The following MRAP2 variants were observed in gnomAD, a reference collection of about 807,000 sequenced individuals.
MRAP2 encodes the protein melanocortin-2 receptor accessory protein 2.
Under a neutral mutation model 17.4 loss-of-function variants are expected in MRAP2, and 20 were observed. The observed-to-expected ratio is 1.15, with a 90% CI of 0.81 to 1.67. The LOEUF (loss-of-function observed/expected upper bound fraction) is 1.67, where lower values mean the gene tolerates loss of function less well. Among genes scored for constraint, MRAP2 ranks in the 40% most tolerant of loss-of-function variants. The probability of loss-of-function intolerance (pLI) is 0.00; values close to 1 mark genes in which losing one functional copy is unlikely to be tolerated. For synonymous variants in MRAP2, 96 were observed against 88.4 expected (o/e 1.09, Z -0.48); for missense variants, 238 against 240.0 (o/e 0.99, Z 0.05).
chr6:84,089,206 C>T lies in MRAP2; in HGVS notation c.343C>T (p.Leu115Phe), dbSNP rs368589399. 6.2e-7 allele frequency: 1 copy of T among 1,614,194 alleles called. No homozygotes were observed. The highest frequency in any genetic ancestry group is 1.7e-5 in the Admixed American group (1 of 60,032). Residue 115 changes from leucine (L) to phenylalanine (F), a missense_variant, in exon 4 of 4, where the codon CTC (leucine) becomes TTC (phenylalanine). Physicochemically the swap from Leu to Phe is conservative, Grantham distance 22. Transcript: ENST00000257776. ...SRQGNEESRS[L>F]FHCYINEVER... is the part of the protein sequence containing the mutation. ...CCAAGGCAACGAGGAGTCCAGGTCT[C>T]TCTTTCACTGCTACATCAATGAGGT...
intron 1 of MRAP2, among the ~76,000 whole-genome samples, chr6:84,037,645 C>T (rs548497802): frequency 6.6e-6 from 1 of 152,184 alleles, no homozygotes; most frequent in East Asian, 1.9e-4. Context: ...GCGGCTGAGG[C>T]CCGGTGAGAA....
the MRAP2 span, among the ~76,000 whole-genome samples, chr6:84,145,183 G>T: frequency 6.6e-6 from 1 of 152,102 alleles, no homozygotes; most frequent in Non-Finnish European, 1.5e-5. Context: ...TTCCTGGCAA[G>T]CCCAGGAGCC....
At chr6:84,037,899 G>A (rs541570425) in intron 1 of MRAP2, among the ~76,000 whole-genome samples, 4 of 152,304 alleles carry the variant, frequency 2.6e-5, no homozygotes, top group African/African-American at 9.6e-5. Context: ...ACAGTGCAGC[G>A]GTGTGCTGAA....
At chr6:84,133,972 C>T in the MRAP2 span, among the ~76,000 whole-genome samples, 2 of 152,134 alleles carry the variant, frequency 1.3e-5, no homozygotes, top group South Asian at 2.1e-4. Flanking sequence ...TGGAGCTGTT[C>T]CTCTTTGGCC....
chr6:84,106,025 T>G, the MRAP2 span, among the ~76,000 whole-genome samples: 1 of 152,132 alleles, frequency 6.6e-6, no homozygotes, highest in East Asian at 1.9e-4. Flanking sequence ...AGACACTGAT[T>G]CAGAGCATCT....
chr6:84,117,829 G>A, the MRAP2 span, among the ~76,000 whole-genome samples: 1 of 152,178 alleles, frequency 6.6e-6, no homozygotes, highest in African/African-American at 2.4e-5. Flanking sequence ...AAACAGCAAA[G>A]ATGGCGGCCT....
chr6:84,044,005 A>C (rs1397907930), intron 1 of MRAP2, among the ~76,000 whole-genome samples: 1 of 149,328 alleles, frequency 6.7e-6, no homozygotes, highest in Admixed American at 6.6e-5. Flanking sequence ...ATTTTTTTTT[A>C]GTTATAGTTA....
chr6:84,087,256 C>T lies in MRAP2; in HGVS notation c.228-1835C>T, dbSNP rs1041880973. ...TTCAGTCTGGAAAGGCGGGACTACT[C>T]GAAGCAGGGAGGGGACTTCCAGGTC... On this transcript the variant is annotated intron_variant, in intron 3 of 3. Coordinates refer to ENST00000257776, the MANE Select transcript of MRAP2 (RefSeq NM_138409.4). Among the ~76,000 whole-genome samples, 8 of 152,102 alleles carry T rather than the reference C, an allele frequency of 5.3e-5. No homozygotes were observed. The highest frequency in any genetic ancestry group is 9.7e-5 in the African/African-American group (4 of 41,424).
chr6:84,076,174 C>T (rs1229364093), intron 3 of MRAP2, among the ~76,000 whole-genome samples: 10 of 151,826 alleles, frequency 6.6e-5, no homozygotes, highest in African/African-American at 2.4e-4. Flanking sequence ...GTGATCCTCC[C>T]ACTTCAGCCT....
chr6:84,055,557 C>T, intron 2 of MRAP2, 112 bp downstream of exon 2: 1 of 1,041,132 alleles, frequency 9.6e-7, no homozygotes. Context: ...AACTCTCTGT[C>T]CTCTACCTCC....
At chr6:84,036,483 G>A (rs1291815905) in intron 1 of MRAP2, among the ~76,000 whole-genome samples, 1 of 152,100 alleles carries the variant, frequency 6.6e-6, no homozygotes, top group Non-Finnish European at 1.5e-5. Flanking sequence ...TCCTTCTGAT[G>A]TTCGGACGTG....
At chr6:84,070,263 C>A (rs935438150) in intron 3 of MRAP2, among the ~76,000 whole-genome samples, 1 of 152,084 alleles carries the variant, frequency 6.6e-6, no homozygotes, top group Non-Finnish European at 1.5e-5. Flanking sequence ...ACTGCCTTTG[C>A]TGTATCCCAG....
At position 84,053,236 on chromosome 6, in the gene MRAP2, T is replaced by C. The variant is rs112657582; in HGVS notation, c.-7-2076T>C. 6.3e-3 allele frequency among the ~76,000 whole-genome samples: 964 copies of C among 152,316 alleles called. 12 individuals are homozygous for C. The highest frequency in any genetic ancestry group is 0.022 in the African/African-American group (935 of 41,562). ...CTTTTCCCTATTTTTCTATTCCAGA[T>C]GAAGTTTAGTCCCTCCCTCTGCTCT... is the stretch of plus-strand genomic sequence containing the variant. On this transcript the variant is annotated intron_variant, in intron 1 of 3. Transcript: ENST00000257776.
intron 1 of MRAP2, among the ~76,000 whole-genome samples, chr6:84,042,806 C>T (rs192310365): frequency 1.4e-4 from 21 of 152,330 alleles, no homozygotes; most frequent in African/African-American, 4.8e-4. Context: ...AGAGCCCAGG[C>T]CTCAGAAGAT....
the MRAP2 span, among the ~76,000 whole-genome samples, chr6:84,112,184 G>A: frequency 6.6e-6 from 1 of 152,152 alleles, no homozygotes; most frequent in African/African-American, 2.4e-5. Context: ...ATTGGTACCA[G>A]CTCCTGTTTG....
chr6:84,122,021 A>G, the MRAP2 span, among the ~76,000 whole-genome samples: 1 of 152,178 alleles, frequency 6.6e-6, no homozygotes, highest in Non-Finnish European at 1.5e-5. Flanking sequence ...GAGTAAACCA[A>G]ATTGACAGCT....
At chr6:84,093,789 G>A (rs1007038695), downstream of MRAP2, among the ~76,000 whole-genome samples, 3 of 152,180 alleles carry the variant, frequency 2.0e-5, no homozygotes, top group Admixed American at 6.5e-5. Context: ...TTAAAATGAG[G>A]AAGGGGTAGC....
intron 1 of MRAP2, among the ~76,000 whole-genome samples, chr6:84,039,209 C>G (rs1435706906): frequency 6.6e-6 from 1 of 152,178 alleles, no homozygotes; most frequent in Non-Finnish European, 1.5e-5. Context: ...GTCTGTTGTT[C>G]ATGACTAAAA....
the MRAP2 span, among the ~76,000 whole-genome samples, chr6:84,145,933 T>G: frequency 1.3e-5 from 2 of 152,132 alleles, no homozygotes; most frequent in Non-Finnish European, 2.9e-5. Flanking sequence ...TTCTTTTGTT[T>G]CCATAGAAAT....
Sources: gnomAD v4.1 joint callset for allele counts (sites outside exome capture counted in the v4.1 genomes callset) on GRCh38, gnomAD v4.1.1 for gene constraint, MANE v1.5 for transcripts, NCBI Gene and HGNC (gene_info 2026-07-23, HGNC 2026-07-21) for gene names.